LRRC45: variants seen among roughly 807,000 people sequenced by gnomAD.
LRRC45 encodes the protein leucine rich repeat containing 45.
A neutral mutation model predicts 85.4 loss-of-function variants in LRRC45; 73 were observed. The ratio of observed to expected loss-of-function variants is 0.85; its 90% CI spans 0.71 to 1.04. The LOEUF (loss-of-function observed/expected upper bound fraction) is 1.04, where lower values mean the gene tolerates loss of function less well. Among genes scored for constraint, LRRC45 ranks in the 50% least tolerant of loss-of-function variants. The probability of loss-of-function intolerance (pLI) is 0.00; values close to 1 mark genes in which losing one functional copy is unlikely to be tolerated. For synonymous variants in LRRC45, 429 were observed against 386.0 expected (o/e 1.11, Z -1.31); for missense variants, 937 against 883.3 (o/e 1.06, Z -0.77).
At chr17:82,026,564 T>TTGTGTGTGTG (rs550616399) in intron 5 of LRRC45, among the ~76,000 whole-genome samples, 21,692 of 137,298 alleles carry the variant, frequency 0.16, 2,007 homozygotes, top group Admixed American at 0.19. Flanking sequence ...CACAGCTCCT[T>TTGTGTGTGTG]TGTGTGTGTG....
intron 12 of LRRC45, 48 bp from the exon 13 acceptor site, chr17:82,029,045 G>T (rs756309144): frequency 5.6e-5 from 87 of 1,546,518 alleles, no homozygotes; most frequent in Non-Finnish European, 7.1e-5. Context: ...GGAGAAGGTA[G>T]GGAGGCCCGC....
At chr17:82,029,690 G>A in intron 14 of LRRC45, 55 bp downstream of exon 14, 1 of 1,501,436 alleles carries the variant, frequency 6.7e-7, no homozygotes, top group Non-Finnish European at 9.1e-7. Flanking sequence ...CGGCATTGCG[G>A]CCCGCATGCA....
At position 82,027,418 on chromosome 17, in the gene LRRC45, G is replaced by T. The variant is rs372860535; in HGVS notation, c.807G>T (p.Gln269His). 2.3e-5 allele frequency: 37 copies of T among 1,612,624 alleles called. No individual in the cohort carries two copies. Among genetic ancestry groups the T allele is most frequent in the Admixed American group, 5.0e-5 (3 of 60,010 alleles). The change falls in exon 7 of 17, where the codon CAG (glutamine) becomes CAT (histidine). Residue 269 changes from glutamine to histidine, a missense_variant. Coordinates refer to ENST00000306688, the MANE Select transcript of LRRC45 (RefSeq NM_144999.4). Reference sequence around the variant, plus strand: ...ACTTGATGGAGACTATTGATAAGCAGCGAGAAGAGATGGCCAAGAGCAGCA... The same window carrying T: ...ACTTGATGGAGACTATTGATAAGCATCGAGAAGAGATGGCCAAGAGCAGCA... ...FLDLMETIDK[Q>H]REEMAKSSRA...
chr17:82,029,994 C>G, intron 14 of LRRC45, 71 bp from the exon 15 acceptor site: 1 of 1,449,716 alleles, frequency 6.9e-7, no homozygotes, highest in Non-Finnish European at 9.1e-7. Context: ...GGGGTCGTGC[C>G]CGTGCAGACA....
Position 82,028,165 on chromosome 17 carries a change from A to C in LRRC45, c.1047+19A>C. 1 of 1,561,064 alleles carries C rather than the reference A, an allele frequency of 6.4e-7. No individual in the cohort carries two copies. The highest frequency in any genetic ancestry group is 8.7e-7 in the Non-Finnish European group (1 of 1,152,906). On this transcript the variant is annotated intron_variant, in intron 9 of 16. Transcript: ENST00000306688. ...GCAGCAGGTGGGTGGGCAGGGCTTG[A>C]GAGGGGTGGGCCAAGGGGTGCGTGG... is the stretch of plus-strand genomic sequence containing the variant.
chr17:82,030,163 C>A lies in LRRC45; in HGVS notation c.1593C>A (p.Ala531=), dbSNP rs1424505645. Residue 531 remains alanine, a synonymous_variant, in exon 15 of 17, where the codon GCC becomes GCA. Coordinates refer to ENST00000306688, the MANE Select transcript of LRRC45 (RefSeq NM_144999.4). ...GACLQQKQVV[A]EAQTRVSQLG... The stretch of plus-strand genomic sequence containing the variant: ...GCCTACAGCAGAAGCAGGTGGTGGC[C>A]GAGGCCCAGACCCGGGTCAGCCAGC... 2 of 1,546,890 alleles carry A rather than the reference C, an allele frequency of 1.3e-6. No homozygotes were observed. The highest frequency in any genetic ancestry group is 2.0e-5 in the Admixed American group (1 of 50,848).
At position 82,027,488 on chromosome 17, in the gene LRRC45, A is replaced by G. The variant is rs200722369; in HGVS notation, c.833+44A>G. 3.5e-4 allele frequency: 565 copies of G among 1,611,316 alleles called. No homozygotes were observed. In the African/African-American group the frequency reaches 6.7e-3, roughly 19 times the overall value. On this transcript the variant is annotated intron_variant, in intron 7 of 16. Transcript: ENST00000306688. Reference sequence around the variant, plus strand: ...GGGGCAGGGTGAGGCTTCAGGGATCAGGTCCTGGCTCAGACTCAGATGGGA... The same window carrying G: ...GGGGCAGGGTGAGGCTTCAGGGATCGGGTCCTGGCTCAGACTCAGATGGGA...
chr17:82,027,521 G>C, intron 7 of LRRC45, 77 bp downstream of exon 7: 1 of 1,595,464 alleles, frequency 6.3e-7, no homozygotes, highest in Non-Finnish European at 8.6e-7. Flanking sequence ...GGACCAACCT[G>C]AGCCCACGAG....
chr17:82,024,429 T>A, intron 2 of LRRC45, 90 bp downstream of exon 2: 1 of 1,495,894 alleles, frequency 6.7e-7, no homozygotes, highest in Non-Finnish European at 9.2e-7. Context: ...GCCTGGGGTC[T>A]GGGCAGGTGG....
chr17:82,028,873 G>A, intron 12 of LRRC45, 190 bp downstream of exon 12: 2 of 755,014 alleles, frequency 2.6e-6, no homozygotes, highest in East Asian at 2.7e-5. Context: ...CCCCGGCAAT[G>A]TCTGAGCCGT....
chr17:82,023,873 C>T lies in LRRC45; in HGVS notation c.220+10C>T. On this transcript the variant is annotated intron_variant, in intron 1 of 16. Coordinates refer to ENST00000306688, the MANE Select transcript of LRRC45 (RefSeq NM_144999.4). ...ATGCTCAGCGAGGAAGGTGGGCAGGCGCGGCGGGGTGGATCCCTCTGCTCC... is the reference window on the plus strand; with the variant it reads ...ATGCTCAGCGAGGAAGGTGGGCAGGTGCGGCGGGGTGGATCCCTCTGCTCC... 6.5e-7 allele frequency: 1 copy of T among 1,548,952 alleles called. No individual in the cohort carries two copies. Among genetic ancestry groups the T allele is most frequent in the African/African-American group, 1.4e-5 (1 of 73,388 alleles).
At chr17:82,028,740 G>T (rs1201448736) in intron 12 of LRRC45, 57 bp downstream of exon 12, 5 of 1,548,498 alleles carry the variant, frequency 3.2e-6, no homozygotes, top group Non-Finnish European at 4.4e-6. Context: ...TGTCACGCAG[G>T]TGTCCCCAAA....
In LRRC45 at chr17:82,028,597, C is replaced by T. The variant is rs929861323; in HGVS notation, c.1238-16C>T. The T allele has an allele frequency of 3.1e-6, 5 of 1,612,712 alleles. No individual in the cohort carries two copies. The highest frequency in any genetic ancestry group is 3.4e-6 in the Non-Finnish European group (4 of 1,179,918). On this transcript the variant is annotated splice_polypyrimidine_tract_variant and intron_variant, in intron 11 of 16. Coordinates refer to ENST00000306688, the MANE Select transcript of LRRC45 (RefSeq NM_144999.4). ...AGGGGATGCTCACGCATACTCTGCC[C>T]ACCCTGGGCTTCCAGAGCGCCTGGA...
chr17:82,024,420 C>G, intron 2 of LRRC45, 81 bp downstream of exon 2: 12 of 1,550,370 alleles, frequency 7.7e-6, no homozygotes, highest in Non-Finnish European at 1.1e-5. Context: ...GTCTCGGGGG[C>G]CTGGGGTCTG....
At position 82,027,457 on chromosome 17, in the gene LRRC45, A is replaced by G; in HGVS notation, c.833+13A>G. On this transcript the variant is annotated intron_variant, in intron 7 of 16. Transcript: ENST00000306688. ...CCAAGAGCAGCAGGTGAGCGGGCCC[A>G]GGGCAGGGGCAGGGTGAGGCTTCAG... 6.2e-7 allele frequency: 1 copy of G among 1,612,610 alleles called. No homozygotes were observed. Among genetic ancestry groups the G allele is most frequent in the Non-Finnish European group, 8.5e-7 (1 of 1,179,898 alleles).
rs1330733180 is a variant in LRRC45 at position 82,023,648 on chromosome 17, A to T, written c.5A>T (p.Glu2Val). ...GCCCTGCCGGCCCCGCGGGTCATGG[A>T]GGAGTTCCGGCGCTCCTACAGCCGC... The part of the protein sequence containing the change: M[E>V]EFRRSYSRLC... The change falls in exon 1 of 17, where the codon GAG (glutamate) becomes GTG (valine). Residue 2 changes from glutamate to valine, a missense_variant. By Grantham distance (121) the Glu-to-Val change is moderately radical. Coordinates refer to ENST00000306688, the MANE Select transcript of LRRC45 (RefSeq NM_144999.4). The T allele has an allele frequency of 6.5e-7, 1 of 1,536,562 alleles. No homozygotes were observed.
chr17:82,030,767 C>T lies in LRRC45; in HGVS notation c.1975C>T (p.Gln659Ter). ...FLQNAVLAYV[Q>*]ASPVRTLSPP... The stretch of plus-strand genomic sequence containing the variant: ...GCAGAACGCCGTCCTGGCTTACGTG[C>T]AGGCGTCCCCCGTGAGGACCCTGAG... The change falls in exon 17 of 17, where the codon CAG becomes TAG. Residue 659 changes from glutamine to a stop codon, truncating the protein, a stop_gained. Coordinates refer to ENST00000306688, the MANE Select transcript of LRRC45 (RefSeq NM_144999.4). LOFTEE classifies it high-confidence loss of function. 6.9e-7 allele frequency: 1 copy of T among 1,440,020 alleles called. No individual in the cohort carries two copies. The allele number at this position is 1,440,020 out of a possible 1,614,324, so 89.2% of individuals were successfully genotyped here.
intron 3 of LRRC45, 118 bp downstream of exon 3, chr17:82,024,881 G>A: frequency 1.0e-5 from 15 of 1,432,974 alleles, no homozygotes; most frequent in South Asian, 1.5e-5. Context: ...CACATACGTT[G>A]GCAGGGGTAG....
intron 3 of LRRC45, 117 bp from the exon 4 acceptor site, chr17:82,024,883 C>T: frequency 7.0e-7 from 1 of 1,434,304 alleles, no homozygotes; most frequent in Non-Finnish European, 9.2e-7. Flanking sequence ...CATACGTTGG[C>T]AGGGGTAGGC....
Sources: allele counts gnomAD v4.1 joint callset (sites outside exome capture counted in the v4.1 genomes callset), GRCh38; gene constraint gnomAD v4.1.1; transcripts MANE v1.5; gene names NCBI Gene and HGNC (gene_info 2026-07-23, HGNC 2026-07-21).